Variants in ASIC2 observed in about 807,000 individuals in gnomAD.
ASIC2 encodes acid-sensing ion channel 2.
ASIC2 carries 25 observed loss-of-function variants against 57.3 expected under a neutral mutation model. The ratio of observed to expected loss-of-function variants is 0.44; its 90% CI spans 0.32 to 0.61. The LOEUF is 0.61. ASIC2 is among the 20% of genes least tolerant of loss of function. The pLI, the probability that ASIC2 is intolerant of heterozygous loss-of-function variation, is 0.06. For missense variants in ASIC2, 641 were observed against 738.1 expected (o/e 0.87, Z 1.52); for synonymous variants, 319 against 307.5 (o/e 1.04, Z -0.39).
rs534717923 is a variant in ASIC2 at position 33,222,107 on chromosome 17, G to A, written c.708+69301C>T. ...CCTGGGATGCTTTTTGTAGTTAAAA[G>A]GGAACATAGTGACTGGGGGAATTCT... On this transcript the variant is annotated intron_variant, in intron 1 of 9. Transcript: ENST00000225823. Among the ~76,000 whole-genome samples the A allele has an allele frequency of 3.3e-5, 5 of 152,288 alleles. No homozygotes were observed. The South Asian group carries it at 1.0e-3, about 32-fold the overall frequency.
intron 1 of ASIC2, among the ~76,000 whole-genome samples, chr17:34,094,811 T>C (rs978150615): frequency 6.6e-6 from 1 of 152,204 alleles, no homozygotes; most frequent in African/African-American, 2.4e-5. Context: ...AAACCCCTAC[T>C]GCATGCAAAG....
At chr17:33,472,416 G>C (rs1350088776) in intron 1 of ASIC2, among the ~76,000 whole-genome samples, 1 of 152,140 alleles carries the variant, frequency 6.6e-6, no homozygotes, top group Non-Finnish European at 1.5e-5. Context: ...AACAACCCTA[G>C]AAAGTAGGTA....
chr17:33,362,048 G>A (rs893732534), intron 1 of ASIC2, among the ~76,000 whole-genome samples: 5 of 152,120 alleles, frequency 3.3e-5, no homozygotes, highest in African/African-American at 4.8e-5. Flanking sequence ...GTTATACCTC[G>A]GGTAGAACTA....
At chr17:34,106,967 G>A (rs771984004) in intron 1 of ASIC2, among the ~76,000 whole-genome samples, 9 of 151,988 alleles carry the variant, frequency 5.9e-5, no homozygotes, top group Non-Finnish European at 1.0e-4. Flanking sequence ...ATACATGCAT[G>A]GACATATATA....
intron 1 of ASIC2, among the ~76,000 whole-genome samples, chr17:34,015,294 C>A (rs968893586): frequency 6.6e-6 from 1 of 152,100 alleles, no homozygotes; most frequent in Non-Finnish European, 1.5e-5. Context: ...GGTAGAGACT[C>A]CAGTTTAAAC....
chr17:33,243,949 C>T (rs1415358477), intron 1 of ASIC2, among the ~76,000 whole-genome samples: 3 of 151,952 alleles, frequency 2.0e-5, no homozygotes, highest in Non-Finnish European at 4.4e-5. Context: ...GTCACTTGAC[C>T]TCTCTGGGCC....
chr17:33,763,927 G>A (rs1390359861), intron 1 of ASIC2, among the ~76,000 whole-genome samples: 1 of 152,104 alleles, frequency 6.6e-6, no homozygotes, highest in Non-Finnish European at 1.5e-5. Context: ...TGTTTGTGTT[G>A]GAGGATTTCC....
intron 1 of ASIC2, among the ~76,000 whole-genome samples, chr17:33,360,674 A>G (rs1383650916): frequency 3.3e-5 from 5 of 152,100 alleles, no homozygotes; most frequent in Non-Finnish European, 7.3e-5. Context: ...GCCATTTCAC[A>G]ATTCTTTGTT....
intron 1 of ASIC2, among the ~76,000 whole-genome samples, chr17:33,529,561 ATTGT>A (rs946173740): frequency 2.0e-4 from 31 of 152,282 alleles, no homozygotes; most frequent in African/African-American, 7.0e-4. Context: ...TAGACAACAG[ATTGT>A]TTGGGGTTTT....
At chr17:33,106,455 G>T (rs1476529723) in intron 2 of ASIC2, among the ~76,000 whole-genome samples, 1 of 152,152 alleles carries the variant, frequency 6.6e-6, no homozygotes, top group African/African-American at 2.4e-5. Context: ...CCTATTTGTG[G>T]TCTTTCTGAC....
At chr17:33,231,897 C>T (rs550577034) in intron 1 of ASIC2, among the ~76,000 whole-genome samples, 43 of 152,290 alleles carry the variant, frequency 2.8e-4, no homozygotes, top group African/African-American at 1.0e-3. Context: ...AGCCTGTCCT[C>T]TCCTTTATAT....
At chr17:33,208,457 C>T (rs1005454532) in intron 1 of ASIC2, among the ~76,000 whole-genome samples, 25 of 151,998 alleles carry the variant, frequency 1.6e-4, no homozygotes, top group African/African-American at 5.6e-4. Context: ...CACTTCCCTC[C>T]CTTGGGACAC....
chr17:33,692,913 G>A (rs1441026551), intron 1 of ASIC2, among the ~76,000 whole-genome samples: 1 of 152,118 alleles, frequency 6.6e-6, no homozygotes, highest in Non-Finnish European at 1.5e-5. Flanking sequence ...ATGCCTAATT[G>A]TGTATGTATG....
intron 1 of ASIC2, among the ~76,000 whole-genome samples, chr17:33,877,598 C>A (rs1914583488): frequency 6.6e-6 from 1 of 152,228 alleles, no homozygotes; most frequent in Non-Finnish European, 1.5e-5. Flanking sequence ...AGTAGGTAAA[C>A]AAAACAGCCG....
In ASIC2 at chr17:33,933,073, C is replaced by T. The variant is rs551079450; in HGVS notation, c.555+222905G>A. On this transcript the variant is annotated intron_variant, in intron 1 of 9. Coordinates refer to the ASIC2 transcript ENST00000359872. ...TTGCACAGGCTGGTCCATGTCCTCC[C>T]ACCCTCGTATGTCTCCTGGAGCTCC... Among the ~76,000 whole-genome samples, 5 of 152,288 alleles carry T rather than the reference C, an allele frequency of 3.3e-5. No individual in the cohort carries two copies. The South Asian group carries it at 1.0e-3, about 32-fold the overall frequency.
Position 33,100,598 on chromosome 17 carries a change from C to G in ASIC2, c.859+11319G>C, listed in dbSNP as rs116731403. Reference sequence around the variant, plus strand: ...ACGTTCCCCAAACAGACTGCAAATGCTTGGCACTCCTTGGACACTTTATAT... The same window carrying G: ...ACGTTCCCCAAACAGACTGCAAATGGTTGGCACTCCTTGGACACTTTATAT... On this transcript the variant is annotated intron_variant, in intron 2 of 9. Coordinates refer to ENST00000225823, the MANE Select transcript of ASIC2 (RefSeq NM_183377.2). 2.2e-3 allele frequency among the ~76,000 whole-genome samples: 337 copies of G among 152,298 alleles called. 1 individual carries two copies. The highest frequency in any genetic ancestry group is 7.6e-3 in the African/African-American group (315 of 41,560).
At chr17:33,173,857 G>A (rs545362107) in intron 1 of ASIC2, among the ~76,000 whole-genome samples, 4 of 152,140 alleles carry the variant, frequency 2.6e-5, no homozygotes, top group African/African-American at 7.2e-5. Context: ...GGACACAATC[G>A]AAGTGATTCC....
intron 1 of ASIC2, among the ~76,000 whole-genome samples, chr17:33,139,246 T>C (rs1229625514): frequency 6.6e-6 from 1 of 152,300 alleles, no homozygotes; most frequent in East Asian, 1.9e-4. Flanking sequence ...CCTGCCTACC[T>C]GTTATCTCTC....
At chr17:33,627,609 G>A (rs1906028287) in intron 1 of ASIC2, among the ~76,000 whole-genome samples, 1 of 152,226 alleles carries the variant, frequency 6.6e-6, no homozygotes, top group South Asian at 2.1e-4. Flanking sequence ...AACCCCTGAA[G>A]GTGAGGCCCT....
Sources: gnomAD v4.1 joint callset for allele counts (sites outside exome capture counted in the v4.1 genomes callset) on GRCh38, gnomAD v4.1.1 for gene constraint, MANE v1.5 for transcripts, NCBI Gene and HGNC (gene_info 2026-07-23, HGNC 2026-07-21) for gene names.